SESTD1: variants seen among roughly 807,000 people sequenced by gnomAD.
The protein encoded by SESTD1 is SEC14 and spectrin domain containing 1, also known as SEC14 domain and spectrin repeat-containing protein 1.
A neutral mutation model predicts 101.7 loss-of-function variants in SESTD1; 43 were observed. The observed-to-expected ratio is 0.42, with a 90% CI of 0.33 to 0.55. The LOEUF (loss-of-function observed/expected upper bound fraction) is 0.55, where lower values mean the gene tolerates loss of function less well. SESTD1 is among the 20% of genes least tolerant of loss of function. The pLI is 0.07. For synonymous variants in SESTD1, 283 were observed against 286.8 expected (o/e 0.99, Z 0.13); for missense variants, 647 against 815.1 (o/e 0.79, Z 2.51).
At chr2:179,125,346 T>C (rs2044847809) in intron 10 of SESTD1, among the ~76,000 whole-genome samples, 1 of 152,194 alleles carries the variant, frequency 6.6e-6, no homozygotes, top group Admixed American at 6.5e-5. Context: ...ACTTCCATCC[T>C]TGATCAAAGG....
At chr2:179,210,182 T>C (rs2046633535) in intron 1 of SESTD1, among the ~76,000 whole-genome samples, 4 of 133,888 alleles carry the variant, frequency 3.0e-5, no homozygotes, top group Admixed American at 2.9e-4. Flanking sequence ...AGTAGTAAGA[T>C]TGAAACAGTA....
Position 179,115,217 on chromosome 2 carries a change from C to A in SESTD1, c.1687G>T (p.Val563Phe), listed in dbSNP as rs929369359. 6.2e-7 allele frequency: 1 copy of A among 1,608,638 alleles called. No homozygotes were observed. Among genetic ancestry groups the A allele is most frequent in the Non-Finnish European group, 8.5e-7 (1 of 1,178,806 alleles). ...CAGCGCAAAGATTGGCATAACACAA[C>A]TGTGGCCTGTAGCAACTGCCTGCCA... is the stretch of plus-strand genomic sequence containing the variant. ...DYGRQLLQATVVLCQSLRCTS... is the reference protein window; with the variant it reads ...DYGRQLLQATFVLCQSLRCTS... Residue 563 changes from valine (V) to phenylalanine (F), a missense_variant, in exon 16 of 18, where the codon GTT (valine) becomes TTT (phenylalanine). Val to Phe is a conservative substitution (Grantham distance 50). This residue lies in a region of SESTD1 where 476 missense variants were observed against 562.6 expected (regional missense o/e 0.85). Transcript: ENST00000428443.
Position 179,163,937 on chromosome 2 carries a change from C to T in SESTD1, c.369+8183G>A, listed in dbSNP as rs1251273748. Among the ~76,000 whole-genome samples, 7 of 152,058 alleles carry T rather than the reference C, an allele frequency of 4.6e-5. No individual in the cohort carries two copies. In the East Asian group the frequency reaches 1.3e-3, roughly 29 times the overall value. On this transcript the variant is annotated intron_variant, in intron 5 of 17. Transcript: ENST00000428443. ...TCCTTCTGTAACTATAATACTTATCCTTTCCTAGTAAAACATTCCCCAAAA... is the reference window on the plus strand; with the variant it reads ...TCCTTCTGTAACTATAATACTTATCTTTTCCTAGTAAAACATTCCCCAAAA...
intron 5 of SESTD1, 116 bp from the exon 6 acceptor site, chr2:179,151,507 C>A: frequency 1.8e-6 from 1 of 555,226 alleles, no homozygotes; most frequent in South Asian, 3.7e-5. Flanking sequence ...CATGATGACA[C>A]ATTATCATTT....
chr2:179,184,685 T>A lies in SESTD1; in HGVS notation c.56-1497A>T, dbSNP rs543764012. Among the ~76,000 whole-genome samples the A allele has an allele frequency of 3.3e-5, 5 of 152,224 alleles. No individual in the cohort carries two copies. In the South Asian group the frequency reaches 1.0e-3, roughly 32 times the overall value. On this transcript the variant is annotated intron_variant, in intron 2 of 17. Coordinates refer to ENST00000428443, the MANE Select transcript of SESTD1 (RefSeq NM_178123.5). ...AATTACTGGCTTAAATCATCAATGG[T>A]CAAGAGAGGGCGTTAATAGGAACAG...
chr2:179,217,960 T>C (rs2046749734), intron 1 of SESTD1, among the ~76,000 whole-genome samples: 1 of 145,986 alleles, frequency 6.8e-6, no homozygotes, highest in Non-Finnish European at 1.5e-5. Context: ...GCGGGGAACG[T>C]CACACACTGG....
Position 179,106,682 on chromosome 2 carries a change from T to A in SESTD1, c.*3217A>T, listed in dbSNP as rs2044390492. 1 of 152,084 alleles carries A rather than the reference T, an allele frequency of 6.6e-6. No homozygotes were observed. Among genetic ancestry groups the A allele is most frequent in the African/African-American group, 2.4e-5 (1 of 41,406 alleles). The allele number at this position is 152,084 out of a possible 1,614,324, so 9.4% of individuals were successfully genotyped here. On this transcript the variant is annotated 3_prime_UTR_variant, in exon 18 of 18. Transcript: ENST00000428443. ...TAAATTTGTATAAAGTGAGAAGTAT[T>A]CAATCTTCTACCTAACAATGAAGCC... is the stretch of plus-strand genomic sequence containing the variant.
chr2:179,156,641 T>G (rs1421108449), intron 5 of SESTD1, among the ~76,000 whole-genome samples: 2 of 152,214 alleles, frequency 1.3e-5, no homozygotes, highest in Non-Finnish European at 2.9e-5. Flanking sequence ...AATTGTCTAT[T>G]CATGTCCTTA....
intron 9 of SESTD1, among the ~76,000 whole-genome samples, 157 bp downstream of exon 9, chr2:179,143,435 A>G (rs1378881854): frequency 6.6e-6 from 1 of 152,238 alleles, no homozygotes; most frequent in Non-Finnish European, 1.5e-5. Context: ...TAATTCAAAT[A>G]CTATTTGTAA....
At position 179,121,863 on chromosome 2, in the gene SESTD1, G is replaced by T; in HGVS notation, c.1349C>A (p.Ser450Tyr). 3.1e-6 allele frequency: 5 copies of T among 1,609,576 alleles called. No homozygotes were observed. Among genetic ancestry groups the T allele is most frequent in the Non-Finnish European group, 4.2e-6 (5 of 1,178,020 alleles). Residue 450 changes from serine to tyrosine, a missense_variant, in exon 13 of 18, where the codon TCC becomes TAC. Physicochemically the swap from Ser to Tyr is moderately radical, Grantham distance 144. This residue lies in a region of SESTD1 where 476 missense variants were observed against 562.6 expected (regional missense o/e 0.85). Coordinates refer to ENST00000428443, the MANE Select transcript of SESTD1 (RefSeq NM_178123.5). ...GGTTACATCCTTTCCATAGGCCCAG[G>T]ATGCCTGATTGGAGATCTGATCCAG... ...GLLDQISNQA[S>Y]WAYGKDVTIE...
At chr2:179,182,973 C>T (rs748292423) in intron 3 of SESTD1, 107 bp downstream of exon 3, 35 of 636,586 alleles carry the variant, frequency 5.5e-5, no homozygotes, top group Middle Eastern at 2.9e-4. Flanking sequence ...AATTTCACTG[C>T]GAATAAAAGC....
chr2:179,190,104 G>A (rs185573874), intron 2 of SESTD1, among the ~76,000 whole-genome samples: 7 of 151,946 alleles, frequency 4.6e-5, no homozygotes, highest in African/African-American at 7.2e-5. Flanking sequence ...GCAATTCTAA[G>A]CAAAAAGAAA....
intron 13 of SESTD1, 103 bp downstream of exon 13, chr2:179,121,667 T>C (rs1379109907): frequency 2.1e-6 from 2 of 973,418 alleles, no homozygotes; most frequent in African/African-American, 3.4e-5. Flanking sequence ...GTCTTCTATA[T>C]AACAGTTAAG....
chr2:179,118,558 T>A (rs189677554), intron 13 of SESTD1, among the ~76,000 whole-genome samples: 13,085 of 151,134 alleles, frequency 0.087, 586 homozygotes, highest in African/African-American at 0.12. Context: ...GGCTTTTTTT[T>A]AAAAAAAAAT....
chr2:179,192,884 C>T (rs2046338348), intron 1 of SESTD1, among the ~76,000 whole-genome samples: 3 of 152,176 alleles, frequency 2.0e-5, no homozygotes, highest in Admixed American at 6.6e-5. Context: ...CACACCCACC[C>T]ACCATCACAA....
intron 2 of SESTD1, 57 bp from the exon 3 acceptor site, chr2:179,183,245 T>G: frequency 2.8e-6 from 3 of 1,083,080 alleles, no homozygotes; most frequent in Non-Finnish European, 4.0e-6. Context: ...ATAATCTGAA[T>G]AATATACATT....
intron 8 of SESTD1, among the ~76,000 whole-genome samples, chr2:179,144,195 C>G (rs2045346632): frequency 6.6e-6 from 1 of 151,406 alleles, no homozygotes; most frequent in Non-Finnish European, 1.5e-5. Flanking sequence ...ATCCTATTTC[C>G]CTGTAGAGCA....
At chr2:179,137,391 G>C (rs2045170092) in intron 9 of SESTD1, among the ~76,000 whole-genome samples, 1 of 152,206 alleles carries the variant, frequency 6.6e-6, no homozygotes, top group Non-Finnish European at 1.5e-5. Flanking sequence ...CCTGGAGAAA[G>C]AGTATGGAGA....
intron 5 of SESTD1, among the ~76,000 whole-genome samples, chr2:179,171,540 A>T (rs1240246997): frequency 6.6e-6 from 1 of 152,130 alleles, no homozygotes; most frequent in Admixed American, 6.6e-5. Context: ...TTATTTATCA[A>T]CTCTCCTACT....
Sources: gnomAD v4.1 joint callset for allele counts (sites outside exome capture counted in the v4.1 genomes callset) on GRCh38, gnomAD v4.1.1 for gene constraint, gnomAD v4.1.1 regional missense constraint, MANE v1.5 for transcripts, NCBI Gene and HGNC (gene_info 2026-07-23, HGNC 2026-07-21) for gene names.